HTR2C: variants seen among roughly 807,000 people sequenced by gnomAD.
HTR2C encodes 5-hydroxytryptamine receptor 2C.
Under a neutral mutation model 21.0 loss-of-function variants are expected in HTR2C, and 5 were observed. The ratio of observed to expected loss-of-function variants is 0.24; its 90% CI spans 0.12 to 0.50. HTR2C has a LOEUF of 0.50. HTR2C is among the 20% of genes least tolerant of loss of function. The pLI, the probability that HTR2C is intolerant of heterozygous loss-of-function variation, is 0.98. For missense variants in HTR2C, 271 were observed against 371.2 expected, an observed-to-expected ratio of 0.73 and a Z score of 2.22; for synonymous variants, 150 against 145.3, an observed-to-expected ratio of 1.03 and a Z score of -0.23.
intron 5 of HTR2C, among the ~76,000 whole-genome samples, chrX:114,874,947 A>G (rs1459982813): frequency 8.9e-6 from 1 of 111,760 alleles, no homozygotes; most frequent in Non-Finnish European, 1.9e-5. Context: ...GGATATTCAT[A>G]CCTATATTTG....
At chrX:114,818,854 C>T (rs1556455359) in intron 4 of HTR2C, among the ~76,000 whole-genome samples, 1 of 112,121 alleles carries the variant, frequency 8.9e-6, no homozygotes, top group Non-Finnish European at 1.9e-5. Flanking sequence ...AAAATGTTTG[C>T]TGTTGTTTGG....
At chrX:114,708,233 A>C (rs1183561204) in intron 2 of HTR2C, among the ~76,000 whole-genome samples, 4 of 111,721 alleles carry the variant, frequency 3.6e-5, no homozygotes. Flanking sequence ...CTAATCATTT[A>C]GATTTTTAAG....
chrX:114,793,783 T>TA (rs2070259801), intron 4 of HTR2C, among the ~76,000 whole-genome samples: 1 of 110,290 alleles, frequency 9.1e-6, no homozygotes, highest in African/African-American at 3.3e-5. Flanking sequence ...CCAATATATA[T>TA]TAAGCACTTA....
chrX:114,591,856 C>T (rs1927646639), intron 1 of HTR2C, among the ~76,000 whole-genome samples: 1 of 111,576 alleles, frequency 9.0e-6, no homozygotes, highest in Non-Finnish European at 1.9e-5. Context: ...TACTGTTAGA[C>T]AGTAAAGGCA....
chrX:114,637,688 T>C, intron 2 of HTR2C, among the ~76,000 whole-genome samples: 1 of 111,125 alleles, frequency 9.0e-6, no homozygotes, highest in East Asian at 2.8e-4. Context: ...CTTTCAGAGA[T>C]TATTGACACC....
chrX:114,793,259 A>G (rs1239958462), intron 4 of HTR2C, among the ~76,000 whole-genome samples: 1 of 111,475 alleles, frequency 9.0e-6, no homozygotes, highest in Non-Finnish European at 1.9e-5. Flanking sequence ...TCATGATCCC[A>G]TACATTAATA....
intron 4 of HTR2C, among the ~76,000 whole-genome samples, chrX:114,782,401 A>C (rs1424275477): frequency 1.8e-5 from 2 of 111,776 alleles, no homozygotes; most frequent in East Asian, 5.6e-4. Flanking sequence ...TTCTAATGAA[A>C]TATTGACTTA....
chrX:114,795,324 C>T (rs1410016158), intron 4 of HTR2C, among the ~76,000 whole-genome samples: 1 of 110,839 alleles, frequency 9.0e-6, no homozygotes, highest in Admixed American at 9.6e-5. Flanking sequence ...TGCCTGTTCA[C>T]TCTGATGGTA....
intron 2 of HTR2C, among the ~76,000 whole-genome samples, chrX:114,680,961 G>T: frequency 9.0e-6 from 1 of 111,285 alleles, no homozygotes; most frequent in Middle Eastern, 4.7e-3. Context: ...GCCTGTCATT[G>T]CCTTCTAGGG....
In HTR2C at chrX:114,596,379, A is replaced by G. The variant is rs73638443; in HGVS notation, c.-147+11720A>G. 7.8e-3 allele frequency among the ~76,000 whole-genome samples: 876 copies of G among 112,344 alleles called. 8 individuals carry two copies. The highest frequency in any genetic ancestry group is 0.026 in the African/African-American group (817 of 30,988). The stretch of plus-strand genomic sequence containing the variant: ...ATCTTGCTGAATATCAATAACGTAA[A>G]TGCTGAGTTTATGGTTTAGCTTCAT... On this transcript the variant is annotated intron_variant, in intron 1 of 5. Coordinates refer to ENST00000276198, the MANE Select transcript of HTR2C (RefSeq NM_000868.4).
intron 2 of HTR2C, among the ~76,000 whole-genome samples, chrX:114,683,945 T>G (rs188662838): frequency 1.8e-5 from 2 of 112,389 alleles, no homozygotes; most frequent in East Asian, 5.6e-4. Context: ...AGAAATATCT[T>G]TTGAAATAAA....
intron 4 of HTR2C, among the ~76,000 whole-genome samples, chrX:114,812,254 G>C (rs1212196988): frequency 9.0e-6 from 1 of 110,955 alleles, no homozygotes; most frequent in Non-Finnish European, 1.9e-5. Flanking sequence ...TTTTTCAGTA[G>C]AAAGAAAGCA....
At chrX:114,633,105 T>C (rs1277086653) in intron 2 of HTR2C, among the ~76,000 whole-genome samples, 1 of 111,086 alleles carries the variant, frequency 9.0e-6, no homozygotes, top group African/African-American at 3.3e-5. Flanking sequence ...GAGGTCCATG[T>C]GGATAGGTCA....
intron 4 of HTR2C, among the ~76,000 whole-genome samples, chrX:114,792,805 C>G (rs1341684055): frequency 1.8e-5 from 2 of 111,889 alleles, no homozygotes; most frequent in Non-Finnish European, 3.8e-5. Context: ...TTAATCATCA[C>G]TATTCTGACT....
intron 5 of HTR2C, among the ~76,000 whole-genome samples, chrX:114,865,807 T>A (rs782671718): frequency 3.6e-5 from 4 of 111,624 alleles, no homozygotes; most frequent in African/African-American, 1.3e-4. Flanking sequence ...TCTTATTTTT[T>A]ATTGTATTTA....
intron 4 of HTR2C, among the ~76,000 whole-genome samples, chrX:114,810,068 T>C (rs2070516545): frequency 8.9e-6 from 1 of 111,820 alleles, no homozygotes; most frequent in Non-Finnish European, 1.9e-5. Flanking sequence ...TAAGAAATGT[T>C]ATCCAAAACT....
intron 5 of HTR2C, among the ~76,000 whole-genome samples, chrX:114,890,887 T>C (rs1436326228): frequency 8.9e-6 from 1 of 111,874 alleles, no homozygotes; most frequent in African/African-American, 3.2e-5. Context: ...TTCACAAATT[T>C]GTGAAGTTAT....
intron 4 of HTR2C, among the ~76,000 whole-genome samples, chrX:114,759,960 A>T (rs2069849952): frequency 8.9e-6 from 1 of 111,966 alleles, no homozygotes; most frequent in African/African-American, 3.2e-5. Context: ...CAGAAAACAG[A>T]CATGCCTTCA....
At chrX:114,809,126 T>C (rs1198394190) in intron 4 of HTR2C, among the ~76,000 whole-genome samples, 2 of 111,586 alleles carry the variant, frequency 1.8e-5, no homozygotes, top group Non-Finnish European at 3.8e-5. Flanking sequence ...AGTTGCTGTC[T>C]GGGAGCCAGG....
Sources: allele counts gnomAD v4.1 joint callset (sites outside exome capture counted in the v4.1 genomes callset), GRCh38; gene constraint gnomAD v4.1.1; transcripts MANE v1.5; gene names NCBI Gene and HGNC (gene_info 2026-07-23, HGNC 2026-07-21).